The following CDC42SE2 variants were observed in gnomAD, a reference collection of about 807,000 sequenced individuals.
CDC42SE2 encodes the protein CDC42 small effector protein 2.
Under a neutral mutation model 11.5 loss-of-function variants are expected in CDC42SE2, and 3 were observed. That is an observed-to-expected ratio of 0.26 (90% CI 0.12 to 0.67). The LOEUF is 0.67. Among genes scored for constraint, CDC42SE2 ranks in the 30% least tolerant of loss-of-function variants. The probability of loss-of-function intolerance (pLI) is 0.80; values close to 1 mark genes in which losing one functional copy is unlikely to be tolerated. For missense variants in CDC42SE2, 82 were observed against 106.8 expected (o/e 0.77, Z 1.02); for synonymous variants, 33 against 34.8 (o/e 0.95, Z 0.18).
chr5:131,252,438 G>A (rs193226260), intron 1 of CDC42SE2, among the ~76,000 whole-genome samples: 1 of 152,300 alleles, frequency 6.6e-6, no homozygotes, highest in East Asian at 1.9e-4. Context: ...TGGATTGCCT[G>A]AGGTCAGGAG....
intron 1 of CDC42SE2, among the ~76,000 whole-genome samples, chr5:131,286,048 C>CT (rs66827141): frequency 0.017 from 2,117 of 127,200 alleles, 109 homozygotes; most frequent in Admixed American, 0.12. Context: ...GGAAATGTAG[C>CT]TTTTTTTTTT....
At chr5:131,353,234 C>T (rs1448454921) in intron 2 of CDC42SE2, among the ~76,000 whole-genome samples, 1 of 151,974 alleles carries the variant, frequency 6.6e-6, no homozygotes, top group Non-Finnish European at 1.5e-5. Context: ...TCCCAGAATG[C>T]TGGGATTACA....
chr5:131,261,076 C>T (rs73786634), upstream of CDC42SE2, among the ~76,000 whole-genome samples: 1,476 of 152,344 alleles, frequency 9.7e-3, 24 homozygotes, highest in African/African-American at 0.034. Flanking sequence ...GGCTATTTAG[C>T]AGTTGGTTAG....
At chr5:131,342,734 A>T (rs1580766953) in intron 2 of CDC42SE2, among the ~76,000 whole-genome samples, 1 of 149,638 alleles carries the variant, frequency 6.7e-6, no homozygotes, top group Admixed American at 6.6e-5. Context: ...TTTTTTTGAG[A>T]TAGATTCTCG....
At chr5:131,223,630 C>T in the CDC42SE2 span, among the ~76,000 whole-genome samples, 7 of 152,118 alleles carry the variant, frequency 4.6e-5, no homozygotes, top group Non-Finnish European at 8.8e-5. Flanking sequence ...ATAGTTCCTG[C>T]TCCCTAGCCC....
chr5:131,306,190 T>A (rs535435948), intron 1 of CDC42SE2, among the ~76,000 whole-genome samples: 4 of 152,180 alleles, frequency 2.6e-5, no homozygotes, highest in Admixed American at 2.0e-4. Context: ...AAATCATCCT[T>A]TGTCCAGCAT....
rs1477005926 is a variant in CDC42SE2, at chr5:131,344,070, A to T, written c.-285-15139A>T. 3.9e-5 allele frequency among the ~76,000 whole-genome samples: 6 copies of T among 152,196 alleles called. No individual in the cohort carries two copies. The East Asian group carries it at 1.2e-3, about 29-fold the overall frequency. ...TTGATGTCAAGATGGCTGAGTAGGA[A>T]CAGCTCCAGTCTGCAGCTCCCAGCA... On this transcript the variant is annotated intron_variant, in intron 2 of 4. Coordinates refer to ENST00000505065, the MANE Select transcript of CDC42SE2 (RefSeq NM_001375635.1).
chr5:131,360,177 ATGGCGTGATCTCGGCTCACT>A, intron 3 of CDC42SE2, among the ~76,000 whole-genome samples: 1 of 152,114 alleles, frequency 6.6e-6, no homozygotes, highest in South Asian at 2.1e-4. Flanking sequence ...CTGGAGTGCA[ATGGCGTGATCTCGGCTCACT>A]GCAACTTCCG....
intron 1 of CDC42SE2, among the ~76,000 whole-genome samples, chr5:131,247,150 G>A (rs1756601781): frequency 6.6e-6 from 1 of 151,902 alleles, no homozygotes. Flanking sequence ...CTTTTATTGA[G>A]ACAAATAGTA....
intron 1 of CDC42SE2, among the ~76,000 whole-genome samples, chr5:131,253,555 A>G (rs956841422): frequency 1.3e-5 from 2 of 152,176 alleles, no homozygotes; most frequent in Non-Finnish European, 2.9e-5. Context: ...ACCTGAGGTC[A>G]GGAGTTTGAG....
chr5:131,363,723 T>TCTCG (rs573215569), intron 3 of CDC42SE2, among the ~76,000 whole-genome samples: 34 of 127,850 alleles, frequency 2.7e-4, no homozygotes, highest in African/African-American at 1.0e-3. Context: ...TGAGAAGGAG[T>TCTCG]CTCGCTGTGT....
At chr5:131,325,519 C>A (rs747689986) in intron 2 of CDC42SE2, among the ~76,000 whole-genome samples, 2 of 148,700 alleles carry the variant, frequency 1.3e-5, no homozygotes, top group Non-Finnish European at 3.0e-5. Flanking sequence ...TCCTAAGAAT[C>A]TCTCAAAATT....
intron 1 of CDC42SE2, among the ~76,000 whole-genome samples, chr5:131,289,980 T>G (rs1757418412): frequency 6.6e-6 from 1 of 152,086 alleles, no homozygotes; most frequent in African/African-American, 2.4e-5. Context: ...GTAGCTAGGA[T>G]CACAGGTGCG....
At chr5:131,256,309 C>G (rs1242284307) in intron 2 of CDC42SE2, among the ~76,000 whole-genome samples, 1 of 152,196 alleles carries the variant, frequency 6.6e-6, no homozygotes, top group Non-Finnish European at 1.5e-5. Flanking sequence ...GAATTGATGC[C>G]TTTGTCTTTA....
At chr5:131,294,988 G>T (rs189495841) in intron 1 of CDC42SE2, among the ~76,000 whole-genome samples, 1 of 152,062 alleles carries the variant, frequency 6.6e-6, no homozygotes, top group South Asian at 2.1e-4. Context: ...TTAGCCAGGC[G>T]TGATGGCATG....
chr5:131,385,513 T>C (rs1750455019), intron 3 of CDC42SE2, 30 bp from the exon 4 acceptor site: 4 of 1,505,686 alleles, frequency 2.7e-6, no homozygotes, highest in Non-Finnish European at 3.7e-6. Flanking sequence ...TAAGATCACT[T>C]TCTCAACACA....
chr5:131,376,174 G>A (rs936414464), intron 3 of CDC42SE2, among the ~76,000 whole-genome samples: 26 of 152,094 alleles, frequency 1.7e-4, no homozygotes, highest in Non-Finnish European at 2.8e-4. Flanking sequence ...AGGAGGCGGA[G>A]GTTGCAGTGA....
At chr5:131,349,279 G>T (rs933367003) in intron 2 of CDC42SE2, among the ~76,000 whole-genome samples, 7 of 146,644 alleles carry the variant, frequency 4.8e-5, no homozygotes, top group African/African-American at 1.8e-4. Context: ...TCACTCATAG[G>T]TGGGAATTGA....
chr5:131,269,906 C>G (rs1307933957), intron 1 of CDC42SE2, among the ~76,000 whole-genome samples: 2 of 149,448 alleles, frequency 1.3e-5, no homozygotes, highest in Non-Finnish European at 3.0e-5. Flanking sequence ...ACTAAAAATA[C>G]AAGAGTTAGC....
Sources: allele counts gnomAD v4.1 joint callset (sites outside exome capture counted in the v4.1 genomes callset), GRCh38; gene constraint gnomAD v4.1.1; transcripts MANE v1.5; gene names NCBI Gene and HGNC (gene_info 2026-07-23, HGNC 2026-07-21).